Variants in ACOT12 observed in about 807,000 individuals in gnomAD.
ACOT12 encodes the protein acetyl-coenzyme A thioesterase.
In ACOT12, 51 loss-of-function variants were observed where a neutral mutation model predicts 67.7. The ratio of observed to expected loss-of-function variants is 0.75; its 90% CI spans 0.60 to 0.95. ACOT12 has a LOEUF of 0.95. Among genes scored for constraint, ACOT12 ranks in the 40% least tolerant of loss-of-function variants. The pLI is 0.00. For synonymous variants in ACOT12, 251 were observed against 244.6 expected (o/e 1.03, Z -0.24); for missense variants, 734 against 708.1 (o/e 1.04, Z -0.41).
Position 81,363,855 on chromosome 5 carries a change from G to A in ACOT12, c.293C>T (p.Thr98Ile). The A allele has an allele frequency of 6.2e-7, 1 of 1,611,922 alleles. No individual in the cohort carries two copies. Among genetic ancestry groups the A allele is most frequent in the Non-Finnish European group, 8.5e-7 (1 of 1,179,226 alleles). The change falls in exon 4 of 15, where the codon ACT (threonine) becomes ATT (isoleucine). Residue 98 changes from threonine (T) to isoleucine (I), a missense_variant. Transcript: ENST00000307624. ...CACACTAACAAGCTTCTCAATGCCAGTGAGCATATCCTGTACCATGACCTT... is the reference window on the plus strand; with the variant it reads ...CACACTAACAAGCTTCTCAATGCCAATGAGCATATCCTGTACCATGACCTT... ...SIKVMVQDML[T>I]GIEKLVSVAF...
At chr5:81,376,032 A>G (rs1760402300) in intron 2 of ACOT12, among the ~76,000 whole-genome samples, 2 of 151,972 alleles carry the variant, frequency 1.3e-5, no homozygotes, top group African/African-American at 4.9e-5. Flanking sequence ...TGAACAGAAT[A>G]TACATTCTTC....
At chr5:81,392,337 T>A (rs1353012506) in intron 1 of ACOT12, among the ~76,000 whole-genome samples, 3 of 152,228 alleles carry the variant, frequency 2.0e-5, no homozygotes, top group Admixed American at 1.3e-4. Context: ...CAGGTCACCA[T>A]AAAGTGTTTA....
At chr5:81,359,064 C>T (rs1167217994) in intron 5 of ACOT12, among the ~76,000 whole-genome samples, 3 of 152,164 alleles carry the variant, frequency 2.0e-5, no homozygotes, top group Non-Finnish European at 4.4e-5. Context: ...CTTTCTCCTT[C>T]TCTTTTGACA....
chr5:81,353,293 GA>G (rs200230330), intron 5 of ACOT12, among the ~76,000 whole-genome samples: 2,813 of 152,148 alleles, frequency 0.018, 35 homozygotes, highest in African/African-American at 0.027. Flanking sequence ...TACAACCAAC[GA>G]AAAAAATAGG....
At chr5:81,309,182 A>G in the ACOT12 span, 1 of 604,078 alleles carries the variant, frequency 1.7e-6, no homozygotes, top group Non-Finnish European at 2.7e-6. Flanking sequence ...AAGTGCTATC[A>G]TATGTACTAG....
chr5:81,310,157 T>TAAAAAAAAAAAAAAAAAAA, the ACOT12 span, among the ~76,000 whole-genome samples: 41 of 104,748 alleles, frequency 3.9e-4, 1 homozygote, highest in East Asian at 2.5e-3. Context: ...TGACTAGCTG[T>TAAAAAAAAAAAAAAAAAAA]AAAAAAAAAA....
the ACOT12 span, among the ~76,000 whole-genome samples, chr5:81,318,388 A>G: frequency 1.3e-5 from 2 of 152,196 alleles, no homozygotes; most frequent in African/African-American, 2.4e-5. Context: ...TTCTATTCCA[A>G]TGATCCTTAT....
At chr5:81,370,965 A>G (rs993607228) in intron 3 of ACOT12, among the ~76,000 whole-genome samples, 5 of 152,204 alleles carry the variant, frequency 3.3e-5, no homozygotes, top group Non-Finnish European at 7.3e-5. Flanking sequence ...TAGAGAAAAT[A>G]AAATCAAGTG....
At chr5:81,378,806 T>C (rs1278048732) in intron 2 of ACOT12, among the ~76,000 whole-genome samples, 2 of 152,182 alleles carry the variant, frequency 1.3e-5, no homozygotes, top group Non-Finnish European at 2.9e-5. Context: ...CCAGTTACAA[T>C]GACAATCATT....
the ACOT12 span, chr5:81,313,205 G>C: frequency 6.6e-6 from 1 of 151,974 alleles, no homozygotes; most frequent in Admixed American, 6.6e-5. Flanking sequence ...TCCATTGTTC[G>C]TTAATATCCA....
chr5:81,357,091 C>A (rs1303954002), intron 5 of ACOT12, among the ~76,000 whole-genome samples: 1 of 152,244 alleles, frequency 6.6e-6, no homozygotes, highest in East Asian at 1.9e-4. Flanking sequence ...ACACAGTGTG[C>A]TGGTTCATGC....
At chr5:81,378,135 G>T (rs1760474330) in intron 2 of ACOT12, among the ~76,000 whole-genome samples, 1 of 152,128 alleles carries the variant, frequency 6.6e-6, no homozygotes, top group Non-Finnish European at 1.5e-5. Flanking sequence ...TACCAAAACA[G>T]ATATATAGAC....
intron 6 of ACOT12, among the ~76,000 whole-genome samples, chr5:81,346,793 A>G (rs1759394709): frequency 6.6e-6 from 1 of 152,194 alleles, no homozygotes; most frequent in Non-Finnish European, 1.5e-5. Context: ...AACTATAGTC[A>G]TAACTATAGA....
chr5:81,385,667 T>G (rs113483652), intron 2 of ACOT12, 90 bp downstream of exon 2: 14 of 1,187,814 alleles, frequency 1.2e-5, no homozygotes, highest in African/African-American at 3.1e-5. Context: ...GATCACTACC[T>G]CTGCCTGAAT....
chr5:81,345,248 C>T (rs551797164), intron 7 of ACOT12, among the ~76,000 whole-genome samples: 21 of 152,094 alleles, frequency 1.4e-4, no homozygotes, highest in Non-Finnish European at 3.1e-4. Context: ...TTACAAGCCC[C>T]TAAGAGCATT....
intron 5 of ACOT12, among the ~76,000 whole-genome samples, chr5:81,357,094 G>C (rs1014947286): frequency 6.6e-6 from 1 of 152,008 alleles, no homozygotes. Flanking sequence ...CAGTGTGCTG[G>C]TTCATGCCTC....
intron 5 of ACOT12, among the ~76,000 whole-genome samples, chr5:81,357,174 C>T (rs921523260): frequency 9.9e-4 from 151 of 152,250 alleles, no homozygotes; most frequent in Middle Eastern, 3.4e-3. Flanking sequence ...CCTCCTGCAG[C>T]GAGTCTCTCG....
At chr5:81,371,720 C>A (rs375762786) in intron 3 of ACOT12, 30 bp downstream of exon 3, 2 of 1,605,356 alleles carry the variant, frequency 1.2e-6, no homozygotes, top group East Asian at 2.2e-5. Context: ...TGAGCACCAA[C>A]AGGCAGATGT....
Position 81,332,941 on chromosome 5 carries a change from T to C in ACOT12, c.1263-336A>G, listed in dbSNP as rs373276763. ...AAAATTATTTGAGTGTGGTGGTGCATGCCTGTACTCCCAGCTACTCGAGAG... is the reference window on the plus strand; with the variant it reads ...AAAATTATTTGAGTGTGGTGGTGCACGCCTGTACTCCCAGCTACTCGAGAG... On this transcript the variant is annotated intron_variant, in intron 12 of 14. Coordinates refer to ENST00000307624, the MANE Select transcript of ACOT12 (RefSeq NM_130767.3). Among the ~76,000 whole-genome samples, 76 of 152,040 alleles carry C rather than the reference T, an allele frequency of 5.0e-4. No homozygotes were observed. The East Asian group carries it at 0.012, about 25-fold the overall frequency.
Sources: allele counts gnomAD v4.1 joint callset (sites outside exome capture counted in the v4.1 genomes callset), GRCh38; gene constraint gnomAD v4.1.1; transcripts MANE v1.5; gene names NCBI Gene and HGNC (gene_info 2026-07-23, HGNC 2026-07-21).